Variants in CDH2 observed in about 807,000 individuals in gnomAD.
CDH2 encodes cadherin-2.
Under a neutral mutation model 92.0 loss-of-function variants are expected in CDH2, and 17 were observed. That is an observed-to-expected ratio of 0.18 (90% confidence interval 0.13 to 0.28). The LOEUF is 0.28. Ranked by LOEUF, CDH2 falls within the 10% of genes least tolerant of loss-of-function variation. CDH2 has a pLI of 1.00. For missense variants in CDH2, 862 were observed against 1,133.1 expected (o/e 0.76, Z 3.44); for synonymous variants, 419 against 415.9 (o/e 1.01, Z -0.09).
At chr18:28,057,229 A>C (rs2144138278) in intron 2 of CDH2, among the ~76,000 whole-genome samples, 1 of 152,326 alleles carries the variant, frequency 6.6e-6, no homozygotes, top group Non-Finnish European at 1.5e-5. Context: ...CAGAAATCTA[A>C]TGAAGAAACT....
chr18:27,966,053 A>G (rs2011528265), intron 14 of CDH2, among the ~76,000 whole-genome samples: 3 of 151,868 alleles, frequency 2.0e-5, no homozygotes, highest in Non-Finnish European at 4.4e-5. Flanking sequence ...TTCACACTAA[A>G]AAATAAAATA....
chr18:28,094,908 A>C (rs2015104475), intron 2 of CDH2, among the ~76,000 whole-genome samples: 1 of 151,952 alleles, frequency 6.6e-6, no homozygotes, highest in Non-Finnish European at 1.5e-5. Flanking sequence ...GGCCAGGCCA[A>C]TTTAACTCAA....
At chr18:28,006,493 G>A (rs185689886) in intron 5 of CDH2, among the ~76,000 whole-genome samples, 1 of 151,974 alleles carries the variant, frequency 6.6e-6, no homozygotes, top group Admixed American at 6.6e-5. Context: ...CAAGGAGGGC[G>A]GATCACCTGA....
intron 1 of CDH2, among the ~76,000 whole-genome samples, chr18:28,169,974 A>G (rs2016440561): frequency 6.6e-6 from 1 of 152,224 alleles, no homozygotes; most frequent in South Asian, 2.1e-4. Context: ...AGAACAGATG[A>G]AAAGTTAAAC....
At chr18:28,030,345 T>A (rs17468310) in intron 2 of CDH2, among the ~76,000 whole-genome samples, 8,253 of 151,852 alleles carry the variant, frequency 0.054, 274 homozygotes, top group Admixed American at 0.1. Context: ...AGGACTTTTT[T>A]AAAAAAATGT....
intron 1 of CDH2, chr18:28,168,609 T>C: frequency 2.1e-6 from 1 of 486,528 alleles, no homozygotes; most frequent in Non-Finnish European, 2.7e-6. Flanking sequence ...CTTACCAGCA[T>C]ATTATTTGTT....
chr18:28,041,085 G>A (rs1041088492), intron 2 of CDH2, among the ~76,000 whole-genome samples: 16 of 152,224 alleles, frequency 1.1e-4, no homozygotes, highest in African/African-American at 3.1e-4. Context: ...TCAGTTACTG[G>A]GGAGGGGTCC....
In CDH2 at chr18:28,166,166, ATATATATGTC is replaced by A. The variant is rs957910112; in HGVS notation, c.60+10787_60+10796del. ...GACACACTCATATATATATATATAT[ATATATATGTC>A]TGTATTTTAATTATGAAGAATCAAG... On this transcript the variant is annotated intron_variant, in intron 1 of 15. Transcript: ENST00000269141. Among the ~76,000 whole-genome samples the A allele has an allele frequency of 1.3e-4, 18 of 137,942 alleles. 1 individual carries two copies. The East Asian group carries it at 2.1e-3, about 16-fold the overall frequency. The allele number at this position is 137,942 out of a possible 152,430, so 90.5% of individuals were successfully genotyped here.
At chr18:28,128,328 T>C (rs889065013) in intron 2 of CDH2, among the ~76,000 whole-genome samples, 6 of 152,174 alleles carry the variant, frequency 3.9e-5, no homozygotes, top group African/African-American at 1.4e-4. Context: ...GTGTACAATA[T>C]AATATTGTCT....
At chr18:28,169,836 C>G (rs963694703) in intron 1 of CDH2, among the ~76,000 whole-genome samples, 2 of 152,092 alleles carry the variant, frequency 1.3e-5, no homozygotes, top group African/African-American at 4.8e-5. Context: ...TTTGAAAAAC[C>G]CAAGTTAAAC....
At position 28,140,932 on chromosome 18, in the gene CDH2, G is replaced by T. The variant is rs577144920; in HGVS notation, c.172+6741C>A. On this transcript the variant is annotated intron_variant, in intron 2 of 15. Transcript: ENST00000269141. ...TATACCTATATATATATATAGGTAT[G>T]AAATATCGTTAGTCATTAATGCAAA... 1.1e-3 allele frequency among the ~76,000 whole-genome samples: 169 copies of T among 150,110 alleles called. 1 individual carries two copies. Among genetic ancestry groups the T allele is most frequent in the African/African-American group, 3.8e-3 (156 of 40,930 alleles).
In CDH2 at chr18:27,963,382, C is replaced by T; in HGVS notation, c.2489G>A (p.Gly830Glu). The T allele has an allele frequency of 3.7e-6, 6 of 1,614,050 alleles. No individual in the cohort carries two copies. Among genetic ancestry groups the T allele is most frequent in the South Asian group, 1.1e-5 (1 of 91,078 alleles). Residue 830 changes from glycine to glutamate, a missense_variant, in exon 15 of 16, where the codon GGA becomes GAA. Transcript: ENST00000269141. ...YPVRSAAPHP[G>E]DIGDFINEGL... ...CTCATTAATGAAGTCCCCAATGTCT[C>T]CAGGGTGTGGGGCTGCAGATCGGAC...
At chr18:27,996,987 C>T (rs943866685) in intron 7 of CDH2, among the ~76,000 whole-genome samples, 2 of 152,194 alleles carry the variant, frequency 1.3e-5, no homozygotes, top group African/African-American at 4.8e-5. Flanking sequence ...GAGTCACTTC[C>T]TATTTATATT....
chr18:28,031,960 T>C (rs1199305760), intron 2 of CDH2, among the ~76,000 whole-genome samples: 1 of 152,132 alleles, frequency 6.6e-6, no homozygotes, highest in Non-Finnish European at 1.5e-5. Flanking sequence ...AAATGAGTGA[T>C]GTGAATCACA....
chr18:28,074,512 C>T (rs2014680855), intron 2 of CDH2, among the ~76,000 whole-genome samples: 1 of 152,024 alleles, frequency 6.6e-6, no homozygotes, highest in Non-Finnish European at 1.5e-5. Flanking sequence ...TCCCAAAGTG[C>T]TAGGATTACA....
chr18:28,176,914 C>CG, intron 1 of CDH2, 49 bp downstream of exon 1: 385 of 1,124,304 alleles, frequency 3.4e-4, no homozygotes, highest in Non-Finnish European at 3.8e-4. Flanking sequence ...GACCCGGCGC[C>CG]GCCCGCCCCA....
At chr18:28,164,715 A>C (rs2031841242) in intron 1 of CDH2, among the ~76,000 whole-genome samples, 2 of 152,214 alleles carry the variant, frequency 1.3e-5, no homozygotes, top group African/African-American at 4.8e-5. Context: ...GGTCCTTACT[A>C]GCATATGAAA....
At chr18:28,058,469 C>T (rs1256862571) in intron 2 of CDH2, among the ~76,000 whole-genome samples, 1 of 152,156 alleles carries the variant, frequency 6.6e-6, no homozygotes, top group African/African-American at 2.4e-5. Context: ...AACTGTATAC[C>T]TATTGAAGAC....
At chr18:28,117,709 A>C (rs184517452) in intron 2 of CDH2, among the ~76,000 whole-genome samples, 1 of 152,214 alleles carries the variant, frequency 6.6e-6, no homozygotes, top group East Asian at 1.9e-4. Context: ...TGGCCAGTAA[A>C]ATGATAATCA....
Sources: allele counts gnomAD v4.1 joint callset (sites outside exome capture counted in the v4.1 genomes callset), GRCh38; gene constraint gnomAD v4.1.1; transcripts MANE v1.5; gene names NCBI Gene and HGNC (gene_info 2026-07-23, HGNC 2026-07-21).